GNAQ: variants seen among roughly 807,000 people sequenced by gnomAD.
GNAQ encodes the protein guanine nucleotide-binding protein G(q) subunit alpha.
GNAQ carries 8 observed loss-of-function variants against 43.9 expected under a neutral mutation model. The ratio of observed to expected loss-of-function variants is 0.18; its 90% CI spans 0.11 to 0.33. The LOEUF (loss-of-function observed/expected upper bound fraction) is 0.33. Among genes scored for constraint, GNAQ ranks in the 10% least tolerant of loss-of-function variants. The pLI is 1.00. For missense variants in GNAQ, 158 were observed against 450.8 expected, an observed-to-expected ratio of 0.35 and a Z score of 5.88; for synonymous variants, 155 against 170.7, an observed-to-expected ratio of 0.91 and a Z score of 0.71.
At chr9:77,833,848 C>G (rs1383489325) in intron 2 of GNAQ, among the ~76,000 whole-genome samples, 1 of 152,112 alleles carries the variant, frequency 6.6e-6, no homozygotes, top group Non-Finnish European at 1.5e-5. Flanking sequence ...AGAAGCTGAT[C>G]CAATAGTTAA....
chr9:78,019,028 C>T (rs1212201998), intron 1 of GNAQ, among the ~76,000 whole-genome samples: 63 of 152,082 alleles, frequency 4.1e-4, no homozygotes, highest in Non-Finnish European at 1.2e-4. Flanking sequence ...ACAAAAAATA[C>T]GTTTCTCAAA....
In GNAQ at chr9:77,805,699, C is replaced by T. The variant is rs752768357; in HGVS notation, c.477-8051G>A. ...GATTACAGGCATGAGCCACCGCACC[C>T]GGCCAAAAAGTTTGCTTTTAATACA... On this transcript the variant is annotated intron_variant, in intron 3 of 6. Transcript: ENST00000286548. Among the ~76,000 whole-genome samples the T allele has an allele frequency of 3.2e-4, 48 of 152,050 alleles. 1 individual carries two copies. The highest frequency in any genetic ancestry group is 1.0e-4 in the Non-Finnish European group (7 of 68,028).
chr9:77,828,745 A>G (rs1827247843), intron 2 of GNAQ, among the ~76,000 whole-genome samples: 1 of 152,236 alleles, frequency 6.6e-6, no homozygotes, highest in Admixed American at 6.5e-5. Flanking sequence ...AAAAGATGAT[A>G]CAATGACCAG....
At chr9:77,805,501 T>C (rs945705313) in intron 3 of GNAQ, among the ~76,000 whole-genome samples, 7 of 151,762 alleles carry the variant, frequency 4.6e-5, no homozygotes, top group Admixed American at 3.3e-4. Flanking sequence ...GCCTCCTGGG[T>C]TCAAGCGATT....
At chr9:77,722,383 C>T (rs187725364) in intron 6 of GNAQ, among the ~76,000 whole-genome samples, 17 of 152,014 alleles carry the variant, frequency 1.1e-4, no homozygotes, top group African/African-American at 1.7e-4. Flanking sequence ...GTGATCCACC[C>T]GCCTTGGCCT....
rs534937260 is a variant in GNAQ, at chr9:77,737,003, G to A, written c.736-8336C>T. On this transcript the variant is annotated intron_variant, in intron 5 of 6. Transcript: ENST00000286548. Reference sequence around the variant, plus strand: ...CTTTATGCTTAGATGTCAGGGATCCGAAGTCTATCCTTAACTTACATGCAG... The same window carrying A: ...CTTTATGCTTAGATGTCAGGGATCCAAAGTCTATCCTTAACTTACATGCAG... Among the ~76,000 whole-genome samples, 8 of 152,300 alleles carry A rather than the reference G, an allele frequency of 5.3e-5. No individual in the cohort carries two copies. In the South Asian group the frequency reaches 8.3e-4, roughly 16 times the overall value.
chr9:77,761,237 C>T (rs1587903414), intron 5 of GNAQ, among the ~76,000 whole-genome samples: 1 of 142,362 alleles, frequency 7.0e-6, no homozygotes. Context: ...GTGAGGAGCC[C>T]CTCTGCCCGG....
chr9:77,935,262 G>C (rs1395655961), intron 1 of GNAQ, among the ~76,000 whole-genome samples: 1 of 152,058 alleles, frequency 6.6e-6, no homozygotes, highest in Non-Finnish European at 1.5e-5. Context: ...TTCTCTCTTG[G>C]GGGGAAATGT....
chr9:77,929,492 T>G (rs1237468767), intron 1 of GNAQ, among the ~76,000 whole-genome samples: 1 of 152,190 alleles, frequency 6.6e-6, no homozygotes, highest in Non-Finnish European at 1.5e-5. Flanking sequence ...TTTCCAGTCT[T>G]TTTTTTCTAG....
intron 1 of GNAQ, among the ~76,000 whole-genome samples, chr9:77,952,701 C>T (rs1274511754): frequency 6.6e-6 from 1 of 152,098 alleles, no homozygotes; most frequent in Non-Finnish European, 1.5e-5. Flanking sequence ...TTCAGTTTAC[C>T]ATGCTAAATC....
At chr9:77,881,682 C>T (rs34039885) in intron 2 of GNAQ, among the ~76,000 whole-genome samples, 13 of 151,974 alleles carry the variant, frequency 8.6e-5, no homozygotes, top group African/African-American at 3.1e-4. Flanking sequence ...CCATGCCTGG[C>T]TGGTTGATTA....
At chr9:77,817,114 A>G (rs1003261579) in intron 2 of GNAQ, among the ~76,000 whole-genome samples, 3 of 152,014 alleles carry the variant, frequency 2.0e-5, no homozygotes, top group Non-Finnish European at 4.4e-5. Flanking sequence ...CCCACCCACA[A>G]TCTTACCAGC....
At chr9:77,736,732 G>C (rs1825581989) in intron 5 of GNAQ, among the ~76,000 whole-genome samples, 1 of 152,052 alleles carries the variant, frequency 6.6e-6, no homozygotes, top group African/African-American at 2.4e-5. Context: ...TGGGGATCAA[G>C]GAGAGACAAA....
At chr9:78,015,383 T>A (rs933158603) in intron 1 of GNAQ, among the ~76,000 whole-genome samples, 1 of 152,316 alleles carries the variant, frequency 6.6e-6, no homozygotes, top group East Asian at 1.9e-4. Context: ...TCCCCATTGT[T>A]AAGCAACACA....
At chr9:77,946,404 A>G (rs907837960) in intron 1 of GNAQ, among the ~76,000 whole-genome samples, 25 of 152,336 alleles carry the variant, frequency 1.6e-4, no homozygotes, top group African/African-American at 6.0e-4. Context: ...TTCCAGCTCT[A>G]TAAATACTAT....
At chr9:77,794,699 CG>C in intron 4 of GNAQ, 107 bp from the exon 5 acceptor site, 1 of 569,926 alleles carries the variant, frequency 1.8e-6, no homozygotes. Flanking sequence ...TCTTGAATGA[CG>C]ATGATCATCC....
intron 5 of GNAQ, among the ~76,000 whole-genome samples, chr9:77,738,515 C>T (rs1385172344): frequency 6.6e-6 from 1 of 152,142 alleles, no homozygotes; most frequent in South Asian, 2.1e-4. Context: ...TTGAATTGCC[C>T]ACATAAAACT....
rs539332547 is a variant in GNAQ, at chr9:77,837,639, G to A, written c.322-21869C>T. Among the ~76,000 whole-genome samples the A allele has an allele frequency of 5.6e-5, 7 of 125,888 alleles. No individual in the cohort carries two copies. In the East Asian group the frequency reaches 1.6e-3, roughly 28 times the overall value. The allele number at this position is 125,888 out of a possible 152,430, so 82.6% of individuals were successfully genotyped here. A position where few individuals can be genotyped will look rare whatever the true frequency, so the allele number is the denominator to read the frequency against. On this transcript the variant is annotated intron_variant, in intron 2 of 6. Coordinates refer to ENST00000286548, the MANE Select transcript of GNAQ (RefSeq NM_002072.5). Reference sequence around the variant, plus strand: ...ACAACAGTGTACCATTTTCCAAAAAGGGAATAAAATTATTCTAAAAAAAAA... The same window carrying A: ...ACAACAGTGTACCATTTTCCAAAAAAGGAATAAAATTATTCTAAAAAAAAA...
At chr9:77,919,702 C>A (rs1167899954) in intron 2 of GNAQ, among the ~76,000 whole-genome samples, 1 of 152,122 alleles carries the variant, frequency 6.6e-6, no homozygotes, top group Non-Finnish European at 1.5e-5. Flanking sequence ...ACATGGGAAA[C>A]TGGGAGGTCA....
Sources: gnomAD v4.1 joint callset for allele counts (sites outside exome capture counted in the v4.1 genomes callset) on GRCh38, gnomAD v4.1.1 for gene constraint, MANE v1.5 for transcripts, NCBI Gene and HGNC (gene_info 2026-07-23, HGNC 2026-07-21) for gene names.